Variants in LRMDA observed in about 807,000 individuals in gnomAD.
LRMDA encodes leucine-rich melanocyte differentiation-associated protein.
In LRMDA, 18 loss-of-function variants were observed where a neutral mutation model predicts 29.8. That is an observed-to-expected ratio of 0.60 (90% CI 0.42 to 0.90). The LOEUF (loss-of-function observed/expected upper bound fraction) is 0.90, where lower values mean the gene tolerates loss of function less well. Ranked by LOEUF, LRMDA falls within the 40% of genes least tolerant of loss-of-function variation. The pLI is 0.00. For missense variants in LRMDA, 273 were observed against 273.9 expected (o/e 1.00, Z 0.02); for synonymous variants, 125 against 109.4 (o/e 1.14, Z -0.89).
At position 76,286,712 on chromosome 10, in the gene LRMDA, T is replaced by C. The variant is rs142966391; in HGVS notation, c.517-37689T>C. On this transcript the variant is annotated intron_variant, in intron 5 of 6. Coordinates refer to ENST00000611255, the MANE Select transcript of LRMDA (RefSeq NM_001305581.2). ...TGGGGCAATTTCTCCCTAAAGTTTG[T>C]CAAGGCAGATGTTGGATCAAGCACA... Among the ~76,000 whole-genome samples, 7 of 152,348 alleles carry C rather than the reference T, an allele frequency of 4.6e-5. No homozygotes were observed. The East Asian group carries it at 1.3e-3, about 29-fold the overall frequency.
intron 6 of LRMDA, among the ~76,000 whole-genome samples, chr10:76,433,241 A>G (rs1842210157): frequency 6.6e-6 from 1 of 152,082 alleles, no homozygotes. Context: ...AGCTGCTTGG[A>G]TTTCTTATTC....
intron 6 of LRMDA, among the ~76,000 whole-genome samples, chr10:76,537,735 A>G (rs1169043307): frequency 6.6e-6 from 1 of 152,072 alleles, no homozygotes; most frequent in Non-Finnish European, 1.5e-5. Context: ...CCCATCTGCA[A>G]AGCCTCTCTT....
At chr10:76,123,107 C>T (rs1849817419) in intron 5 of LRMDA, among the ~76,000 whole-genome samples, 1 of 152,140 alleles carries the variant, frequency 6.6e-6, no homozygotes, top group South Asian at 2.1e-4. Flanking sequence ...CTGGTGGAGG[C>T]AGCATAGGGC....
intron 5 of LRMDA, among the ~76,000 whole-genome samples, chr10:76,253,682 T>G (rs1351275211): frequency 1.3e-5 from 2 of 152,230 alleles, no homozygotes; most frequent in African/African-American, 4.8e-5. Flanking sequence ...AATCTTCTGT[T>G]CCTCCTTTAA....
intron 5 of LRMDA, among the ~76,000 whole-genome samples, chr10:76,079,206 C>A (rs993223540): frequency 2.0e-5 from 3 of 152,124 alleles, no homozygotes; most frequent in African/African-American, 7.2e-5. Context: ...AATAATTTGA[C>A]CTTTGTGCCT....
intron 2 of LRMDA, among the ~76,000 whole-genome samples, chr10:75,991,221 A>C (rs1847364495): frequency 6.6e-6 from 1 of 152,188 alleles, no homozygotes; most frequent in Admixed American, 6.5e-5. Flanking sequence ...TGTGTGCATA[A>C]TTGCTGGCTG....
chr10:76,437,007 G>A (rs987661833), intron 6 of LRMDA, among the ~76,000 whole-genome samples: 5 of 152,148 alleles, frequency 3.3e-5, no homozygotes, highest in Non-Finnish European at 5.9e-5. Flanking sequence ...TCCTCTTGGT[G>A]TGCAGAGCTT....
chr10:76,359,988 T>G (rs1457674738), intron 6 of LRMDA, among the ~76,000 whole-genome samples: 1 of 152,138 alleles, frequency 6.6e-6, no homozygotes, highest in Non-Finnish European at 1.5e-5. Flanking sequence ...CATTTCTTTT[T>G]CTTTTGTTTT....
At chr10:76,370,982 A>G (rs1841447594) in intron 6 of LRMDA, among the ~76,000 whole-genome samples, 1 of 152,168 alleles carries the variant, frequency 6.6e-6, no homozygotes, top group Non-Finnish European at 1.5e-5. Context: ...AGGAGTTTCA[A>G]ATGTGATAAA....
intron 6 of LRMDA, among the ~76,000 whole-genome samples, chr10:76,355,186 A>G (rs55923744): frequency 0.25 from 38,524 of 152,118 alleles, 5,809 homozygotes; most frequent in Non-Finnish European, 0.35. Context: ...CACATTTTAC[A>G]TGGCAAGATA....
rs145042308 is a variant in LRMDA, at chr10:75,878,333, G to A, written c.132-157675G>A. Among the ~76,000 whole-genome samples, 85 of 148,546 alleles carry A rather than the reference G, an allele frequency of 5.7e-4. No homozygotes were observed. In the Middle Eastern group the frequency reaches 0.011, roughly 19 times the overall value. The stretch of plus-strand genomic sequence containing the variant: ...GTGGATGGGTGCAAAGTTTTATTGA[G>A]TGGTAGAAGTAGCTCTCAGTGAGGT... On this transcript the variant is annotated intron_variant, in intron 2 of 6. Coordinates refer to ENST00000611255, the MANE Select transcript of LRMDA (RefSeq NM_001305581.2).
rs192052988 is a variant in LRMDA, at chr10:76,113,902, T to C, written c.516+55119T>C. 2.5e-4 allele frequency among the ~76,000 whole-genome samples: 38 copies of C among 152,318 alleles called. No individual in the cohort carries two copies. In the East Asian group the frequency reaches 6.9e-3, roughly 28 times the overall value. ...CCCTCCTCTCTTCTTGTCCCTTTTT[T>C]CCTGAAGGGATCGAGGTTGGTTTGC... On this transcript the variant is annotated intron_variant, in intron 5 of 6. Transcript: ENST00000611255.
intron 2 of LRMDA, among the ~76,000 whole-genome samples, chr10:75,809,649 C>CAAAAACA (rs1843921465): frequency 6.6e-6 from 1 of 151,986 alleles, no homozygotes; most frequent in Admixed American, 6.5e-5. Context: ...GTTTCAAAAA[C>CAAAAACA]AAAAACAAAA....
intron 2 of LRMDA, among the ~76,000 whole-genome samples, chr10:75,769,365 G>A (rs1042943971): frequency 1.3e-5 from 2 of 152,130 alleles, no homozygotes; most frequent in African/African-American, 4.8e-5. Flanking sequence ...AAGACTATGT[G>A]GCCGAGAAAA....
At chr10:75,988,662 G>T (rs996005572) in intron 2 of LRMDA, among the ~76,000 whole-genome samples, 10 of 151,908 alleles carry the variant, frequency 6.6e-5, no homozygotes, top group African/African-American at 2.2e-4. Flanking sequence ...GAGCAGCCAC[G>T]GAGTGCTCTG....
chr10:75,822,300 G>C (rs1844175219), intron 2 of LRMDA, among the ~76,000 whole-genome samples: 1 of 152,002 alleles, frequency 6.6e-6, no homozygotes, highest in Admixed American at 6.6e-5. Context: ...AAACACTGAA[G>C]AAAGAAATCA....
At chr10:75,750,523 G>T (rs1422538437) in intron 2 of LRMDA, among the ~76,000 whole-genome samples, 1 of 147,646 alleles carries the variant, frequency 6.8e-6, no homozygotes, top group Non-Finnish European at 1.5e-5. Flanking sequence ...ATCCCAGATG[G>T]GGCGGCGGGG....
chr10:76,251,797 G>C (rs1852489897), intron 5 of LRMDA, among the ~76,000 whole-genome samples: 2 of 152,154 alleles, frequency 1.3e-5, no homozygotes, highest in South Asian at 4.1e-4. Flanking sequence ...TTAAGGCAAG[G>C]GTAACAAGAA....
At chr10:76,311,967 G>A (rs760219678) in intron 5 of LRMDA, among the ~76,000 whole-genome samples, 5 of 152,068 alleles carry the variant, frequency 3.3e-5, no homozygotes, top group Non-Finnish European at 1.5e-5. Context: ...CCTCATGGTG[G>A]TGCAGTAACC....
Sources: gnomAD v4.1 joint callset for allele counts (sites outside exome capture counted in the v4.1 genomes callset) on GRCh38, gnomAD v4.1.1 for gene constraint, MANE v1.5 for transcripts, NCBI Gene and HGNC (gene_info 2026-07-23, HGNC 2026-07-21) for gene names.